The following DNAH6 variants were observed in gnomAD, a reference collection of about 807,000 sequenced individuals.
DNAH6 encodes the protein dynein axonemal heavy chain 6, also known as axonemal beta dynein heavy chain 6.
In DNAH6, 340 loss-of-function variants were observed where a neutral mutation model predicts 491.4. The ratio of observed to expected loss-of-function variants is 0.69; its 90% CI spans 0.63 to 0.76. DNAH6 has a LOEUF of 0.76. Ranked by LOEUF, DNAH6 falls within the 30% of genes least tolerant of loss-of-function variation. DNAH6 has a pLI of 0.00. For synonymous variants in DNAH6, 1,603 were observed against 1,686.1 expected (o/e 0.95, Z 1.21); for missense variants, 4,443 against 4,972.2 (o/e 0.89, Z 3.20).
At chr2:84,687,754 A>G (rs1365534713) in intron 44 of DNAH6, among the ~76,000 whole-genome samples, 1 of 151,634 alleles carries the variant, frequency 6.6e-6, no homozygotes, top group Non-Finnish European at 1.5e-5. Context: ...TCATCAATAG[A>G]TTAAAACAAG....
At position 84,670,271 on chromosome 2, in the gene DNAH6, G is replaced by C. The variant is rs17025406; in HGVS notation, c.6307-57G>C. The C allele has an allele frequency of 1.3e-3, 1,530 of 1,206,526 alleles. 18 individuals are homozygous for C. In the African/African-American group the frequency reaches 0.021, roughly 16 times the overall value. 74.7% of individuals were successfully genotyped at this position (1,206,526 alleles called of 1,614,324 possible). ...TTACTCATTGTGCCAAACTATTACA[G>C]ATATAACTGAAAGAGGTTATATTCA... On this transcript the variant is annotated intron_variant, in intron 38 of 76. Coordinates refer to ENST00000389394, the MANE Select transcript of DNAH6 (RefSeq NM_001370.2).
At chr2:84,675,870 A>G (rs1422129549) in intron 40 of DNAH6, among the ~76,000 whole-genome samples, 1 of 151,932 alleles carries the variant, frequency 6.6e-6, no homozygotes, top group East Asian at 1.9e-4. Flanking sequence ...GTGTTGCCCA[A>G]CCTGGTCTTG....
chr2:84,524,078 C>G (rs564053398), intron 2 of DNAH6, among the ~76,000 whole-genome samples: 1 of 152,096 alleles, frequency 6.6e-6, no homozygotes, highest in South Asian at 2.1e-4. Flanking sequence ...TCTTTGGGAG[C>G]TAAGTCACTT....
intron 68 of DNAH6, among the ~76,000 whole-genome samples, chr2:84,789,030 A>G (rs923566982): frequency 6.6e-6 from 1 of 152,156 alleles, no homozygotes; most frequent in Non-Finnish European, 1.5e-5. Flanking sequence ...ACAAGCATCA[A>G]ATTTACGGTG....
At chr2:84,525,458 C>A in intron 2 of DNAH6, 107 bp from the exon 3 acceptor site, 1 of 1,137,584 alleles carries the variant, frequency 8.8e-7, no homozygotes, top group Non-Finnish European at 1.2e-6. Flanking sequence ...GGAAATTAGT[C>A]CAAGGAGATC....
chr2:84,536,218 A>G (rs1415422786), intron 4 of DNAH6, among the ~76,000 whole-genome samples: 1 of 152,046 alleles, frequency 6.6e-6, no homozygotes, highest in African/African-American at 2.4e-5. Context: ...AGTTTTATCA[A>G]GAATTGGGAA....
intron 37 of DNAH6, among the ~76,000 whole-genome samples, chr2:84,664,865 A>G (rs868587269): frequency 7.9e-5 from 12 of 152,362 alleles, no homozygotes; most frequent in African/African-American, 2.9e-4. Context: ...ACTCCTCAAC[A>G]AATGTAAAAG....
rs1403410531 is a variant in DNAH6, at chr2:84,706,979, A to G, written c.8811A>G (p.Gln2937=). ...TAGAAGATCAAATACAGGCCTTACA[A>G]GATGAATATGACAAAGGTGTAAATG... ...RQVEDQIQAL[Q]DEYDKGVNEK... Residue 2937 remains glutamine (Q), a synonymous_variant, in exon 53 of 77, where the codon CAA becomes CAG. Transcript: ENST00000389394. 1 of 1,538,874 alleles carries G rather than the reference A, an allele frequency of 6.5e-7. No individual in the cohort carries two copies. The highest frequency in any genetic ancestry group is 1.4e-5 in the African/African-American group (1 of 72,364).
At chr2:84,515,086 C>T (rs1038403556), upstream of DNAH6, among the ~76,000 whole-genome samples, 1 of 152,160 alleles carries the variant, frequency 6.6e-6, no homozygotes, top group Non-Finnish European at 1.5e-5. Context: ...ATGTGTCTAA[C>T]ATTGCTTGTT....
chr2:84,529,084 C>T lies in DNAH6; in HGVS notation c.580C>T (p.Arg194Cys), dbSNP rs756268182. The change falls in exon 4 of 77, where the codon CGT (arginine) becomes TGT (cysteine). Residue 194 changes from arginine to cysteine, a missense_variant. Transcript: ENST00000389394. ...RDPLQIIKII[R>C]ENEHLGFLYM... ...TCCCTTGCAAATCATTAAAATAATA[C>T]GTGAAAATGAACATCTTGGATTTCT... 40 of 1,550,876 alleles carry T rather than the reference C, an allele frequency of 2.6e-5. No homozygotes were observed. Among genetic ancestry groups the T allele is most frequent in the African/African-American group, 1.9e-4 (14 of 73,028 alleles).
intron 68 of DNAH6, among the ~76,000 whole-genome samples, chr2:84,788,184 G>C (rs1004141362): frequency 1.3e-5 from 2 of 152,164 alleles, no homozygotes; most frequent in African/African-American, 4.8e-5. Context: ...CCTGCCCCAA[G>C]CCATCCCAAT....
chr2:84,690,451 A>G (rs1167578558), intron 45 of DNAH6, among the ~76,000 whole-genome samples: 7 of 152,342 alleles, frequency 4.6e-5, no homozygotes, highest in Middle Eastern at 3.4e-3. Flanking sequence ...TCGCTCAGGC[A>G]GGCCCTAAGC....
rs1344291492 is a variant in DNAH6 at position 84,694,315 on chromosome 2, GCAGT to G, written c.7362_7365del (p.Gln2454HisfsTer32). ...TTGTTGGAGTAGGAGGCACAGGAAA[GCAGT>G]CACTCACGAGACTTGCAGCTCATAT... On this transcript the variant is annotated frameshift_variant, in exon 46 of 77. Transcript: ENST00000389394. LOFTEE classifies it high-confidence loss of function. The G allele has an allele frequency of 3.0e-5, 46 of 1,552,220 alleles. No individual in the cohort carries two copies. The highest frequency in any genetic ancestry group is 3.9e-5 in the Non-Finnish European group (45 of 1,147,142).
intron 59 of DNAH6, among the ~76,000 whole-genome samples, chr2:84,718,825 C>G (rs1697807820): frequency 6.6e-6 from 1 of 152,174 alleles, no homozygotes; most frequent in Admixed American, 6.5e-5. Flanking sequence ...TGGCTTATCT[C>G]TTTTGTTGTG....
intron 18 of DNAH6, among the ~76,000 whole-genome samples, chr2:84,596,098 A>T (rs1327698762): frequency 6.6e-6 from 1 of 152,130 alleles, no homozygotes; most frequent in Non-Finnish European, 1.5e-5. Flanking sequence ...AGGGAGCCAG[A>T]TGAGGCTGGG....
intron 37 of DNAH6, among the ~76,000 whole-genome samples, chr2:84,660,024 T>C (rs1191817001): frequency 6.6e-6 from 1 of 152,076 alleles, no homozygotes; most frequent in East Asian, 1.9e-4. Context: ...TGTGTATACA[T>C]ACATGTAAAT....
chr2:84,482,841 T>G, the DNAH6 span, among the ~76,000 whole-genome samples: 1 of 152,222 alleles, frequency 6.6e-6, no homozygotes, highest in African/African-American at 2.4e-5. Context: ...CTCCTTGGCT[T>G]ACTTTCCTGC....
At chr2:84,606,932 C>A (rs749952635) in intron 20 of DNAH6, 44 bp from the exon 21 acceptor site, 42 of 1,533,482 alleles carry the variant, frequency 2.7e-5, no homozygotes, top group Non-Finnish European at 1.7e-5. Flanking sequence ...ACTGAAAGCA[C>A]AAATACTGGG....
At chr2:84,493,729 T>C in the DNAH6 span, among the ~76,000 whole-genome samples, 2 of 152,196 alleles carry the variant, frequency 1.3e-5, no homozygotes, top group African/African-American at 2.4e-5. Context: ...TGGATGGCTA[T>C]ACAAGTGACG....
Sources: gnomAD v4.1 joint callset for allele counts (sites outside exome capture counted in the v4.1 genomes callset) on GRCh38, gnomAD v4.1.1 for gene constraint, MANE v1.5 for transcripts, NCBI Gene and HGNC (gene_info 2026-07-23, HGNC 2026-07-21) for gene names.